The following CSMD1 variants were observed in gnomAD, a reference collection of about 807,000 sequenced individuals.
The protein encoded by CSMD1 is CUB and sushi domain-containing protein 1.
Under a neutral mutation model 417.5 loss-of-function variants are expected in CSMD1, and 213 were observed. The observed-to-expected ratio is 0.51, with a 90% CI of 0.46 to 0.57. CSMD1 has a LOEUF of 0.57. Ranked by LOEUF, CSMD1 falls within the 20% of genes least tolerant of loss-of-function variation. The pLI is 0.00. For missense variants in CSMD1, 6,923 were observed against 4,529.7 expected (o/e 1.53, Z -15.17); for synonymous variants, 2,862 against 1,736.8 (o/e 1.65, Z -16.11).
At chr8:4,298,244 A>T (rs2128871583) in intron 3 of CSMD1, among the ~76,000 whole-genome samples, 1 of 152,346 alleles carries the variant, frequency 6.6e-6, no homozygotes, top group Non-Finnish European at 1.5e-5. Flanking sequence ...TTCTGCAATT[A>T]AAACTAAAAA....
chr8:4,440,105 G>C (rs558701359), intron 2 of CSMD1, among the ~76,000 whole-genome samples: 1 of 152,082 alleles, frequency 6.6e-6, no homozygotes, highest in Non-Finnish European at 1.5e-5. Context: ...TTGGAAAAGA[G>C]GAACTCATTC....
At chr8:3,251,983 C>T (rs1306658566) in intron 26 of CSMD1, among the ~76,000 whole-genome samples, 1 of 152,190 alleles carries the variant, frequency 6.6e-6, no homozygotes, top group East Asian at 1.9e-4. Flanking sequence ...ATGCGGTTTT[C>T]TAGATATAGA....
intron 1 of CSMD1, among the ~76,000 whole-genome samples, chr8:4,884,420 GTGCTTT>G (rs1803597168): frequency 6.6e-6 from 1 of 151,908 alleles, no homozygotes; most frequent in Non-Finnish European, 1.5e-5. Flanking sequence ...GTTGTTGCTT[GTGCTTT>G]TGCTTTTATC....
At chr8:3,332,153 GT>G (rs1806945783) in intron 23 of CSMD1, among the ~76,000 whole-genome samples, 1 of 152,212 alleles carries the variant, frequency 6.6e-6, no homozygotes, top group Non-Finnish European at 1.5e-5. Context: ...GTAAATGTTT[GT>G]TGAGATATCT....
chr8:4,817,093 GTGTATATACA>G (rs1563481268), intron 1 of CSMD1, among the ~76,000 whole-genome samples: 1 of 152,062 alleles, frequency 6.6e-6, no homozygotes, highest in East Asian at 1.9e-4. Context: ...ACTTTATTAT[GTGTATATACA>G]TGCCTCCATG....
chr8:3,639,796 T>G (rs1004214297), intron 7 of CSMD1, among the ~76,000 whole-genome samples: 6 of 152,250 alleles, frequency 3.9e-5, no homozygotes, highest in African/African-American at 1.4e-4. Context: ...CTACTCATCC[T>G]ATTTTGGTTC....
rs117733566 is a variant in CSMD1, at chr8:3,063,963, A to C, written c.7475-11316T>G. 1.1e-3 allele frequency among the ~76,000 whole-genome samples: 160 copies of C among 152,330 alleles called. No individual in the cohort carries two copies. In the East Asian group the frequency reaches 0.029, roughly 27 times the overall value. On this transcript the variant is annotated intron_variant, in intron 49 of 69. Coordinates refer to ENST00000635120, the MANE Select transcript of CSMD1 (RefSeq NM_033225.6). Reference sequence around the variant, plus strand: ...ACTGAACTGTACACTTAAAAATGAAAAATAATAACTATATGCCACAGATGC... The same window carrying C: ...ACTGAACTGTACACTTAAAAATGAACAATAATAACTATATGCCACAGATGC...
intron 5 of CSMD1, among the ~76,000 whole-genome samples, chr8:3,821,815 A>C (rs749554648): frequency 1.3e-5 from 2 of 152,094 alleles, no homozygotes; most frequent in Non-Finnish European, 2.9e-5. Flanking sequence ...CAAACAAACA[A>C]AAAGTTTAAT....
chr8:3,534,826 T>A (rs563322414), intron 10 of CSMD1, among the ~76,000 whole-genome samples: 1 of 152,362 alleles, frequency 6.6e-6, no homozygotes, highest in African/African-American at 2.4e-5. Context: ...TTGGGTCACA[T>A]TTTGGGAAAC....
In CSMD1 at chr8:3,979,982, C is replaced by A. The variant is rs559942207; in HGVS notation, c.818+17921G>T. ...CACTGCCAAAGTTAAATATTAAGAA[C>A]TGGGTTGAACAACTCACAGATACTT... On this transcript the variant is annotated intron_variant, in intron 5 of 69. Transcript: ENST00000635120. Among the ~76,000 whole-genome samples the A allele has an allele frequency of 6.0e-4, 91 of 152,312 alleles. 1 individual carries two copies. The South Asian group carries it at 0.017, about 29-fold the overall frequency.
At chr8:3,377,240 G>A (rs1012292071) in intron 18 of CSMD1, among the ~76,000 whole-genome samples, 3 of 152,066 alleles carry the variant, frequency 2.0e-5, no homozygotes, top group African/African-American at 4.8e-5. Flanking sequence ...TCGAACTCCT[G>A]GGCCTCAGCA....
At chr8:4,024,802 G>C (rs979998432) in intron 4 of CSMD1, among the ~76,000 whole-genome samples, 1 of 152,146 alleles carries the variant, frequency 6.6e-6, no homozygotes, top group African/African-American at 2.4e-5. Flanking sequence ...TTGTGACTGG[G>C]AACTTCCTGA....
intron 3 of CSMD1, among the ~76,000 whole-genome samples, chr8:4,382,426 A>G (rs961253890): frequency 1.3e-5 from 2 of 152,208 alleles, no homozygotes; most frequent in African/African-American, 4.8e-5. Flanking sequence ...TAGCTGTCCT[A>G]TTGTAGTATA....
intron 1 of CSMD1, among the ~76,000 whole-genome samples, chr8:4,663,278 T>C (rs1306060054): frequency 6.6e-6 from 1 of 152,202 alleles, no homozygotes. Context: ...AACACAAAGT[T>C]AGGGACCAGA....
intron 3 of CSMD1, among the ~76,000 whole-genome samples, chr8:4,055,138 C>G (rs955312648): frequency 3.3e-5 from 5 of 152,138 alleles, no homozygotes; most frequent in African/African-American, 9.7e-5. Context: ...GAAATATGGC[C>G]TACTTCAGAA....
intron 3 of CSMD1, among the ~76,000 whole-genome samples, chr8:4,311,162 G>A (rs1474105796): frequency 6.6e-6 from 1 of 152,094 alleles, no homozygotes; most frequent in Non-Finnish European, 1.5e-5. Flanking sequence ...TAAGCCCAGT[G>A]GAATATAAAT....
At chr8:4,097,413 C>T (rs1045709387) in intron 3 of CSMD1, among the ~76,000 whole-genome samples, 2 of 152,154 alleles carry the variant, frequency 1.3e-5, no homozygotes, top group Non-Finnish European at 2.9e-5. Context: ...CACACATGAA[C>T]GTTGTATACA....
At chr8:3,320,842 C>G (rs1322601678) in intron 23 of CSMD1, among the ~76,000 whole-genome samples, 1 of 152,190 alleles carries the variant, frequency 6.6e-6, no homozygotes, top group Non-Finnish European at 1.5e-5. Flanking sequence ...GTCATCCTGC[C>G]TATGGGGATA....
intron 33 of CSMD1, among the ~76,000 whole-genome samples, chr8:3,190,435 T>A (rs1796345982): frequency 6.6e-6 from 1 of 152,176 alleles, no homozygotes; most frequent in Non-Finnish European, 1.5e-5. Context: ...CTCAGTGCCT[T>A]ATGAGGACGG....
Sources: gnomAD v4.1 joint callset for allele counts (sites outside exome capture counted in the v4.1 genomes callset) on GRCh38, gnomAD v4.1.1 for gene constraint, MANE v1.5 for transcripts, NCBI Gene and HGNC (gene_info 2026-07-23, HGNC 2026-07-21) for gene names.